Variants in CMSS1 observed in about 807,000 individuals in gnomAD.
CMSS1 encodes the protein cms1 ribosomal small subunit homolog.
CMSS1 carries 33 observed loss-of-function variants against 43.5 expected under a neutral mutation model. The observed-to-expected ratio is 0.76, with a 90% CI of 0.57 to 1.01. CMSS1 has a LOEUF of 1.01. CMSS1 is among the 50% of genes least tolerant of loss of function. The probability of loss-of-function intolerance (pLI) is 0.00; values close to 1 mark genes in which losing one functional copy is unlikely to be tolerated. For synonymous variants in CMSS1, 115 were observed against 117.2 expected (o/e 0.98, Z 0.12); for missense variants, 313 against 326.4 (o/e 0.96, Z 0.32).
intron 1 of CMSS1, among the ~76,000 whole-genome samples, chr3:99,876,449 G>A (rs1295858944): frequency 6.6e-6 from 1 of 152,242 alleles, no homozygotes; most frequent in African/African-American, 2.4e-5. Context: ...GGGAGGCAGG[G>A]TCGATCCGCT....
chr3:100,023,913 G>T (rs1010758417), intron 1 of CMSS1, among the ~76,000 whole-genome samples: 3 of 152,148 alleles, frequency 2.0e-5, no homozygotes, highest in Non-Finnish European at 2.9e-5. Context: ...TGGGGAGAGA[G>T]GAGTAGAAGA....
In CMSS1 at chr3:100,097,659, G is replaced by A. The variant is rs762354456; in HGVS notation, c.65-49314G>A. ...AAGCCATGTATTTGTGAACATGTAC[G>A]TCATGAATATTTTCTAAACTATTAG... On this transcript the variant is annotated intron_variant, in intron 1 of 9. Coordinates refer to ENST00000421999, the MANE Select transcript of CMSS1 (RefSeq NM_032359.4). Among the ~76,000 whole-genome samples the A allele has an allele frequency of 4.6e-5, 7 of 152,132 alleles. No individual in the cohort carries two copies. The East Asian group carries it at 5.8e-4, about 13-fold the overall frequency.
chr3:100,041,821 T>A (rs1271532391), intron 1 of CMSS1, among the ~76,000 whole-genome samples: 1 of 152,146 alleles, frequency 6.6e-6, no homozygotes, highest in Non-Finnish European at 1.5e-5. Context: ...TGTGCCTTGA[T>A]TTATCTCACC....
chr3:100,083,018 G>A (rs1307613471), intron 1 of CMSS1, among the ~76,000 whole-genome samples: 3 of 152,056 alleles, frequency 2.0e-5, no homozygotes, highest in Non-Finnish European at 4.4e-5. Context: ...TAGTACTTTG[G>A]GATGTGTATA....
chr3:99,884,559 G>A (rs1234244381), intron 1 of CMSS1, among the ~76,000 whole-genome samples: 1 of 152,180 alleles, frequency 6.6e-6, no homozygotes, highest in African/African-American at 2.4e-5. Flanking sequence ...TGCTGTCTCT[G>A]ATGTCTCAAA....
intron 1 of CMSS1, among the ~76,000 whole-genome samples, chr3:99,973,827 T>A (rs998031601): frequency 6.6e-6 from 1 of 152,204 alleles, no homozygotes; most frequent in Non-Finnish European, 1.5e-5. Context: ...TTCCTAGGCC[T>A]GGTGTTTGTT....
intron 4 of CMSS1, among the ~76,000 whole-genome samples, chr3:100,163,664 A>G (rs1295735474): frequency 6.6e-6 from 1 of 152,192 alleles, no homozygotes; most frequent in African/African-American, 2.4e-5. Context: ...CAGCCTCCCG[A>G]GTAGCTGGGA....
At chr3:99,869,327 T>C (rs1232455224) in intron 1 of CMSS1, among the ~76,000 whole-genome samples, 2 of 152,160 alleles carry the variant, frequency 1.3e-5, no homozygotes, top group Admixed American at 6.5e-5. Context: ...GGGGCAGAAT[T>C]TGGGGGGAGA....
At chr3:99,921,277 C>T (rs1016914) in intron 1 of CMSS1, among the ~76,000 whole-genome samples, 40,341 of 152,016 alleles carry the variant, frequency 0.27, 6,059 homozygotes, top group Admixed American at 0.34. Flanking sequence ...CTCCTCTGAG[C>T]GTTTATTTAC....
At chr3:100,065,499 G>A (rs535227584) in intron 1 of CMSS1, among the ~76,000 whole-genome samples, 1 of 152,210 alleles carries the variant, frequency 6.6e-6, no homozygotes, top group African/African-American at 2.4e-5. Flanking sequence ...ATCTACCCGT[G>A]GCTGCCTCAT....
At chr3:99,947,621 T>A (rs1342443975) in intron 1 of CMSS1, among the ~76,000 whole-genome samples, 1 of 152,354 alleles carries the variant, frequency 6.6e-6, no homozygotes, top group East Asian at 1.9e-4. Context: ...AAAGTCATGA[T>A]GACAGTGGCT....
chr3:99,836,274 T>C (rs1383704875), intron 1 of CMSS1, among the ~76,000 whole-genome samples: 1 of 152,028 alleles, frequency 6.6e-6, no homozygotes, highest in Non-Finnish European at 1.5e-5. Flanking sequence ...GAGTGGAGGA[T>C]GAGCAGAGAA....
At chr3:99,915,795 GC>G (rs1254985101) in intron 1 of CMSS1, among the ~76,000 whole-genome samples, 1 of 152,084 alleles carries the variant, frequency 6.6e-6, no homozygotes, top group Non-Finnish European at 1.5e-5. Context: ...GTTGTCATTA[GC>G]CTGCAACTTT....
At chr3:99,900,405 C>T (rs1449367214) in intron 1 of CMSS1, among the ~76,000 whole-genome samples, 1 of 152,032 alleles carries the variant, frequency 6.6e-6, no homozygotes, top group African/African-American at 2.4e-5. Flanking sequence ...TTACAGCAGC[C>T]CTATAAGGGT....
At chr3:99,884,083 G>A (rs1705818021) in intron 1 of CMSS1, among the ~76,000 whole-genome samples, 1 of 152,152 alleles carries the variant, frequency 6.6e-6, no homozygotes, top group South Asian at 2.1e-4. Context: ...GGATCTTGGA[G>A]ATTATCTAGT....
At chr3:99,950,692 G>A (rs961969521) in intron 1 of CMSS1, among the ~76,000 whole-genome samples, 1 of 152,074 alleles carries the variant, frequency 6.6e-6, no homozygotes, top group Non-Finnish European at 1.5e-5. Context: ...GGCAGCCCAC[G>A]ATTCTCTTTA....
intron 1 of CMSS1, among the ~76,000 whole-genome samples, chr3:99,942,116 G>T (rs1434907684): frequency 3.3e-5 from 5 of 151,944 alleles, no homozygotes; most frequent in African/African-American, 4.8e-5. Flanking sequence ...CAGGAGAATG[G>T]CGTGAACCTG....
At chr3:99,999,983 C>T (rs557447100) in intron 1 of CMSS1, among the ~76,000 whole-genome samples, 87 of 152,202 alleles carry the variant, frequency 5.7e-4, no homozygotes, top group African/African-American at 2.1e-3. Context: ...TCAGCCCTGG[C>T]TTAAAAACAA....
chr3:100,144,877 C>T (rs1280101794), intron 1 of CMSS1, among the ~76,000 whole-genome samples: 2 of 152,078 alleles, frequency 1.3e-5, no homozygotes, highest in African/African-American at 4.8e-5. Flanking sequence ...ATTCTTGGTC[C>T]CTAAAATCTC....
Sources: gnomAD v4.1 joint callset for allele counts (sites outside exome capture counted in the v4.1 genomes callset) on GRCh38, gnomAD v4.1.1 for gene constraint, MANE v1.5 for transcripts, NCBI Gene and HGNC (gene_info 2026-07-23, HGNC 2026-07-21) for gene names.